Variants in SIK3 observed in about 807,000 individuals in gnomAD.
SIK3 encodes serine/threonine-protein kinase SIK3.
A neutral mutation model predicts 144.2 loss-of-function variants in SIK3; 28 were observed. That is an observed-to-expected ratio of 0.19 (90% CI 0.14 to 0.27). The LOEUF (loss-of-function observed/expected upper bound fraction) is 0.27. SIK3 is among the 10% of genes least tolerant of loss of function. SIK3 has a pLI of 1.00. For synonymous variants in SIK3, 686 were observed against 676.3 expected (o/e 1.01, Z -0.22); for missense variants, 1,319 against 1,776.0 (o/e 0.74, Z 4.62).
intron 15 of SIK3, among the ~76,000 whole-genome samples, chr11:116,866,534 C>T (rs1320985095): frequency 6.6e-6 from 1 of 152,062 alleles, no homozygotes; most frequent in Admixed American, 6.5e-5. Flanking sequence ...GTCTGCCTCC[C>T]GGGTTCAAGC....
chr11:116,978,148 G>C (rs958723776), intron 1 of SIK3, among the ~76,000 whole-genome samples: 4 of 152,050 alleles, frequency 2.6e-5, no homozygotes, highest in African/African-American at 7.2e-5. Context: ...AACCGGGGAG[G>C]CGGAGGTTGT....
intron 1 of SIK3, among the ~76,000 whole-genome samples, chr11:117,088,288 C>T (rs753912542): frequency 2.0e-5 from 3 of 152,008 alleles, no homozygotes; most frequent in Non-Finnish European, 4.4e-5. Context: ...ATTCAAATTG[C>T]AAGACTTACT....
In SIK3 at chr11:117,080,496, C is replaced by G. The variant is rs118001019; in HGVS notation, c.273+17647G>C. ...AACTTTTGAGACGTTGACTCTAGGT[C>G]ACACTAAATAAAATTCTTTTATTTT... On this transcript the variant is annotated intron_variant, in intron 1 of 24. Coordinates refer to ENST00000445177, the MANE Select transcript of SIK3 (RefSeq NM_001366686.3). 7.2e-3 allele frequency among the ~76,000 whole-genome samples: 1,098 copies of G among 152,084 alleles called. 6 individuals are homozygous for G. The highest frequency in any genetic ancestry group is 0.034 in the Middle Eastern group (10 of 294).
At chr11:117,081,183 G>T (rs940622782) in intron 1 of SIK3, among the ~76,000 whole-genome samples, 3 of 151,794 alleles carry the variant, frequency 2.0e-5, no homozygotes, top group African/African-American at 7.3e-5. Context: ...ATGTGAATGG[G>T]GAAAAAATCT....
chr11:116,973,632 A>G (rs1178185476), intron 1 of SIK3, among the ~76,000 whole-genome samples: 2 of 152,228 alleles, frequency 1.3e-5, no homozygotes, highest in Non-Finnish European at 2.9e-5. Context: ...TACAGTGGAA[A>G]AACTTGACAA....
intron 6 of SIK3, among the ~76,000 whole-genome samples, chr11:116,880,013 G>C (rs1482390563): frequency 2.0e-5 from 3 of 152,166 alleles, no homozygotes; most frequent in Non-Finnish European, 4.4e-5. Context: ...AAGGCCTCTA[G>C]ATGGCACTCT....
At chr11:116,994,494 C>G (rs1427736181) in intron 1 of SIK3, among the ~76,000 whole-genome samples, 1 of 152,156 alleles carries the variant, frequency 6.6e-6, no homozygotes, top group African/African-American at 2.4e-5. Flanking sequence ...TCACTTGTTA[C>G]GGTGAGGATT....
intron 4 of SIK3, among the ~76,000 whole-genome samples, chr11:116,900,189 T>G (rs184382032): frequency 1.3e-5 from 2 of 152,218 alleles, no homozygotes; most frequent in Admixed American, 6.5e-5. Flanking sequence ...TTTCAGTGCT[T>G]TTACCCTCAT....
chr11:116,927,200 T>G lies in SIK3; in HGVS notation c.616+19A>C. ...AAAGCTCCTTTGTCCCTATCTGACATCCTCAGTACAGTTCTCACCTGCTAT... is the reference window on the plus strand; with the variant it reads ...AAAGCTCCTTTGTCCCTATCTGACAGCCTCAGTACAGTTCTCACCTGCTAT... On this transcript the variant is annotated intron_variant, in intron 4 of 24. Coordinates refer to ENST00000445177, the MANE Select transcript of SIK3 (RefSeq NM_001366686.3). 1.3e-6 allele frequency: 2 copies of G among 1,591,144 alleles called. No homozygotes were observed. Among genetic ancestry groups the G allele is most frequent in the Non-Finnish European group, 1.7e-6 (2 of 1,166,836 alleles).
chr11:117,091,552 G>A (rs1356158068), intron 1 of SIK3, among the ~76,000 whole-genome samples: 1 of 152,076 alleles, frequency 6.6e-6, no homozygotes, highest in Admixed American at 6.6e-5. Flanking sequence ...CCAGACTGTG[G>A]AGAAGACAGA....
chr11:116,880,163 A>T (rs1206690200), intron 6 of SIK3, among the ~76,000 whole-genome samples: 1 of 152,164 alleles, frequency 6.6e-6, no homozygotes, highest in Non-Finnish European at 1.5e-5. Context: ...CAACAACACC[A>T]CCACACACAC....
intron 1 of SIK3, among the ~76,000 whole-genome samples, chr11:117,040,340 G>A (rs1030027037): frequency 2.6e-5 from 4 of 152,036 alleles, no homozygotes; most frequent in African/African-American, 7.2e-5. Context: ...AACTGTGCTC[G>A]TCATTTATTA....
intron 15 of SIK3, among the ~76,000 whole-genome samples, chr11:116,866,662 G>A (rs995224435): frequency 3.9e-5 from 6 of 152,042 alleles, no homozygotes; most frequent in Admixed American, 2.0e-4. Flanking sequence ...GGCTGGTCTC[G>A]AACTCCTGAC....
intron 1 of SIK3, among the ~76,000 whole-genome samples, chr11:116,965,222 T>C (rs952179582): frequency 1.3e-5 from 2 of 152,182 alleles, no homozygotes; most frequent in African/African-American, 2.4e-5. Flanking sequence ...ATTTACCCTC[T>C]CAGAAAACAG....
At position 116,867,951 on chromosome 11, in the gene SIK3, C is replaced by G. The variant is rs1484848226; in HGVS notation, c.1947G>C (p.Gln649His). The change falls in exon 15 of 25, where the codon CAG (glutamine) becomes CAC (histidine). Residue 649 changes from glutamine to histidine, a missense_variant. Physicochemically the swap from Gln to His is conservative, Grantham distance 24. Around this residue, in one of 8 missense-constraint regions of SIK3, gnomAD observed 47 missense variants for 40.2 expected, o/e 1.17. Transcript: ENST00000445177. This position sits in a 1 kb window ranked among gnomAD's most constrained non-coding sequence, Gnocchi z 4.1. ...CAGCTCATGTGGCTACTCACCGATGCTGATCAGGTACCAGGTGAGGAGGCC... is the reference window on the plus strand; with the variant it reads ...CAGCTCATGTGGCTACTCACCGATGGTGATCAGGTACCAGGTGAGGAGGCC... ...RVWPPHLVPD[Q>H]HRSTYKDSNT... The G allele has an allele frequency of 3.9e-5, 60 of 1,541,004 alleles. No homozygotes were observed. The highest frequency in any genetic ancestry group is 5.1e-5 in the Non-Finnish European group (58 of 1,141,762).
chr11:116,893,047 G>A (rs1037316281), intron 6 of SIK3, among the ~76,000 whole-genome samples: 7 of 152,188 alleles, frequency 4.6e-5, no homozygotes, highest in Non-Finnish European at 1.0e-4. Flanking sequence ...GTAGTTGCAG[G>A]GGGTTAGGGA....
intron 5 of SIK3, 48 bp from the exon 6 acceptor site, chr11:116,896,424 CA>C: frequency 6.3e-7 from 1 of 1,585,588 alleles, no homozygotes; most frequent in Non-Finnish European, 8.6e-7. Flanking sequence ...TCAGGGGAAA[CA>C]AAAAAGACTA....
At chr11:117,044,308 A>C (rs1361538610) in intron 1 of SIK3, among the ~76,000 whole-genome samples, 2 of 152,180 alleles carry the variant, frequency 1.3e-5, no homozygotes, top group African/African-American at 2.4e-5. Flanking sequence ...TACTTATAAA[A>C]ACCCATCTCA....
intron 7 of SIK3, among the ~76,000 whole-genome samples, chr11:116,876,700 C>CGTCCCCAAAA (rs1944276446): frequency 6.6e-6 from 1 of 152,240 alleles, no homozygotes; most frequent in Non-Finnish European, 1.5e-5. Context: ...AAGCCAAAAA[C>CGTCCCCAAAA]AGACGATAAT....
Sources: gnomAD v4.1 joint callset for allele counts (sites outside exome capture counted in the v4.1 genomes callset) on GRCh38, gnomAD v4.1.1 for gene constraint, gnomAD v4.1.1 regional missense constraint, Gnocchi (gnomAD v3.1) non-coding constraint, MANE v1.5 for transcripts, NCBI Gene and HGNC (gene_info 2026-07-23, HGNC 2026-07-21) for gene names.